The following ATXN10 variants were observed in gnomAD, a reference collection of about 807,000 sequenced individuals.
ATXN10 encodes the protein ataxin-10.
ATXN10 carries 28 observed loss-of-function variants against 52.9 expected under a neutral mutation model. The ratio of observed to expected loss-of-function variants is 0.53; its 90% CI spans 0.39 to 0.73. The LOEUF is 0.73. ATXN10 is among the 30% of genes least tolerant of loss of function. The pLI is 0.00. For synonymous variants in ATXN10, 226 were observed against 221.5 expected, an observed-to-expected ratio of 1.02 and a Z score of -0.18; for missense variants, 565 against 577.0, an observed-to-expected ratio of 0.98 and a Z score of 0.21.
intron 9 of ATXN10, among the ~76,000 whole-genome samples, chr22:45,745,192 G>A (rs1287876624): frequency 6.6e-6 from 1 of 152,176 alleles, no homozygotes; most frequent in African/African-American, 2.4e-5. Context: ...AATAAGGAAT[G>A]TATGGTTTAC....
intron 9 of ATXN10, among the ~76,000 whole-genome samples, chr22:45,797,869 A>G (rs1310448662): frequency 4.6e-5 from 7 of 152,244 alleles, no homozygotes; most frequent in Non-Finnish European, 8.8e-5. Context: ...AAGAGGAGAC[A>G]TCATTATAGA....
At chr22:45,702,438 A>C (rs191676615) in intron 4 of ATXN10, among the ~76,000 whole-genome samples, 25 of 152,244 alleles carry the variant, frequency 1.6e-4, no homozygotes, top group Non-Finnish European at 3.1e-4. Context: ...TTTTTCTCTA[A>C]TGGTAAGTTA....
intron 9 of ATXN10, among the ~76,000 whole-genome samples, chr22:45,797,649 T>C (rs1052401584): frequency 2.6e-5 from 4 of 151,860 alleles, no homozygotes; most frequent in Admixed American, 6.6e-5. Flanking sequence ...AAACCAAGAG[T>C]AGATTAAACC....
intron 1 of ATXN10, among the ~76,000 whole-genome samples, chr22:45,686,136 C>T (rs1923126157): frequency 6.6e-6 from 1 of 152,172 alleles, no homozygotes; most frequent in Admixed American, 6.5e-5. Flanking sequence ...CTTTCTGTTG[C>T]TGACTCAAAG....
In ATXN10 at chr22:45,718,860, A is replaced by G. The variant is rs1924545994; in HGVS notation, c.728+367A>G. The stretch of plus-strand genomic sequence containing the variant: ...GGTCATGGGTGTTATTATTTGTGAT[A>G]CACTCTGCTAGGTTTGTAGGTTTCT... On this transcript the variant is annotated intron_variant, in intron 6 of 11. Transcript: ENST00000252934. The surrounding 1 kb of genome is among the most constrained non-coding windows in gnomAD (Gnocchi z 4.4). Among the ~76,000 whole-genome samples the G allele has an allele frequency of 6.6e-6, 1 of 152,190 alleles. No homozygotes were observed. Among genetic ancestry groups the G allele is most frequent in the Non-Finnish European group, 1.5e-5 (1 of 68,034 alleles).
In ATXN10 at chr22:45,751,467, A is replaced by G. The variant is rs548580596; in HGVS notation, c.1173+10929A>G. ...GAGAGAGAGGAAGAGACAGACAGAG[A>G]TGGAAATATAAAGATCATTCTTCCA... On this transcript the variant is annotated intron_variant, in intron 9 of 11. Transcript: ENST00000252934. Among the ~76,000 whole-genome samples the G allele has an allele frequency of 3.9e-5, 6 of 152,182 alleles. No homozygotes were observed. The South Asian group carries it at 6.2e-4, about 16-fold the overall frequency.
chr22:45,703,600 A>G (rs1346825122), intron 5 of ATXN10, among the ~76,000 whole-genome samples: 1 of 152,204 alleles, frequency 6.6e-6, no homozygotes, highest in Non-Finnish European at 1.5e-5. Flanking sequence ...TGTGAAAATA[A>G]TACAAGTTAC....
chr22:45,761,505 T>C (rs1231856851), intron 9 of ATXN10, among the ~76,000 whole-genome samples: 1 of 152,232 alleles, frequency 6.6e-6, no homozygotes, highest in Non-Finnish European at 1.5e-5. Context: ...TTACTTAATT[T>C]TCATTTCTCA....
intron 9 of ATXN10, among the ~76,000 whole-genome samples, chr22:45,796,666 G>A (rs1297169195): frequency 6.6e-6 from 1 of 152,086 alleles, no homozygotes; most frequent in Non-Finnish European, 1.5e-5. Flanking sequence ...GAAATATTGG[G>A]GGCTGGTTCC....
intron 2 of ATXN10, among the ~76,000 whole-genome samples, chr22:45,691,842 A>G (rs1923391956): frequency 6.6e-6 from 1 of 152,180 alleles, no homozygotes; most frequent in Non-Finnish European, 1.5e-5. Flanking sequence ...GCAGTGAGCC[A>G]AGATTGGGCT....
At chr22:45,747,214 C>CT (rs1199378621) in intron 9 of ATXN10, among the ~76,000 whole-genome samples, 1 of 152,076 alleles carries the variant, frequency 6.6e-6, no homozygotes, top group Non-Finnish European at 1.5e-5. Context: ...TTGAAAATGT[C>CT]TGGGGGGCCG....
At position 45,781,517 on chromosome 22, in the gene ATXN10, A is replaced by C. The variant is rs180997129; in HGVS notation, c.1174-25442A>C. ...CTGCTAAAATAGGAGACTTAAACTT[A>C]AGATTCAGTCTTCTCATACCACTAC... On this transcript the variant is annotated intron_variant, in intron 9 of 11. Coordinates refer to ENST00000252934, the MANE Select transcript of ATXN10 (RefSeq NM_013236.4). The surrounding 1 kb of genome is among the most constrained non-coding windows in gnomAD (Gnocchi z 4.2). 6.6e-6 allele frequency among the ~76,000 whole-genome samples: 1 copy of C among 152,332 alleles called. No homozygotes were observed. The highest frequency in any genetic ancestry group is 6.5e-5 in the Admixed American group (1 of 15,310).
In ATXN10 at chr22:45,701,096, T is replaced by G. The variant is rs1191139974; in HGVS notation, c.488+718T>G. On this transcript the variant is annotated intron_variant, in intron 4 of 11. Transcript: ENST00000252934. The surrounding 1 kb of genome is among the most constrained non-coding windows in gnomAD (Gnocchi z 4.2). ...TGGGAGTGGGAGACCTGGCTTTGAATCTAGGCTTTGGTGCCAATGAATGGG... is the reference window on the plus strand; with the variant it reads ...TGGGAGTGGGAGACCTGGCTTTGAAGCTAGGCTTTGGTGCCAATGAATGGG... Among the ~76,000 whole-genome samples the G allele has an allele frequency of 6.6e-6, 1 of 152,210 alleles. No individual in the cohort carries two copies. Among genetic ancestry groups the G allele is most frequent in the Non-Finnish European group, 1.5e-5 (1 of 68,036 alleles).
chr22:45,717,634 C>T (rs1197458491), intron 5 of ATXN10, among the ~76,000 whole-genome samples: 1 of 152,078 alleles, frequency 6.6e-6, no homozygotes, highest in Non-Finnish European at 1.5e-5. Context: ...AGTTAATATG[C>T]TTCATTTGGT....
At chr22:45,691,959 G>T (rs1483426481) in intron 2 of ATXN10, among the ~76,000 whole-genome samples, 1 of 152,188 alleles carries the variant, frequency 6.6e-6, no homozygotes, top group Non-Finnish European at 1.5e-5. Flanking sequence ...GTGGATGACT[G>T]CTCCATCTTG....
At chr22:45,806,462 T>C (rs1009923707) in intron 9 of ATXN10, among the ~76,000 whole-genome samples, 2 of 152,210 alleles carry the variant, frequency 1.3e-5, no homozygotes, top group Non-Finnish European at 2.9e-5. Flanking sequence ...ATCTTCCAAA[T>C]CCGTGATACC....
At position 45,842,471 on chromosome 22, in the gene ATXN10, G is replaced by T. The variant is rs953939765; in HGVS notation, c.1238-520G>T. Among the ~76,000 whole-genome samples, 1 of 152,140 alleles carries T rather than the reference G, an allele frequency of 6.6e-6. No homozygotes were observed. Among genetic ancestry groups the T allele is most frequent in the Non-Finnish European group, 1.5e-5 (1 of 68,008 alleles). On this transcript the variant is annotated intron_variant, in intron 10 of 11. Coordinates refer to ENST00000252934, the MANE Select transcript of ATXN10 (RefSeq NM_013236.4). This position sits in a 1 kb window ranked among gnomAD's most constrained non-coding sequence, Gnocchi z 4.8. ...TACTGAATGCGGGAAATTCCACAGT[G>T]ACTCCTAGGAAACAATTCTTATTTC...
At chr22:45,736,343 A>C (rs927456460) in intron 7 of ATXN10, among the ~76,000 whole-genome samples, 4 of 152,212 alleles carry the variant, frequency 2.6e-5, no homozygotes, top group African/African-American at 9.6e-5. Flanking sequence ...GAGTTTTCAG[A>C]CACAAGTATA....
chr22:45,708,829 T>C lies in ATXN10; in HGVS notation c.647+5982T>C, dbSNP rs1321233650. ...TAATTTTTTGTATTTTTGGTAGAGA[T>C]GGGGTTTCATCATGTCAGCCAGCCT... On this transcript the variant is annotated intron_variant, in intron 5 of 11. Transcript: ENST00000252934. This position sits in a 1 kb window ranked among gnomAD's most constrained non-coding sequence, Gnocchi z 5.3. Among the ~76,000 whole-genome samples the C allele has an allele frequency of 6.6e-6, 1 of 152,048 alleles. No individual in the cohort carries two copies. The highest frequency in any genetic ancestry group is 2.4e-5 in the African/African-American group (1 of 41,410).
Sources: allele counts gnomAD v4.1 joint callset (sites outside exome capture counted in the v4.1 genomes callset), GRCh38; gene constraint gnomAD v4.1.1; non-coding constraint Gnocchi (gnomAD v3.1); transcripts MANE v1.5; gene names NCBI Gene and HGNC (gene_info 2026-07-23, HGNC 2026-07-21).